UBE2J2: variants seen among roughly 807,000 people sequenced by gnomAD.
UBE2J2 encodes the protein ubiquitin-conjugating enzyme E2 J2.
A neutral mutation model predicts 28.6 loss-of-function variants in UBE2J2; 5 were observed. The ratio of observed to expected loss-of-function variants is 0.17; its 90% CI spans 0.09 to 0.37. The LOEUF (loss-of-function observed/expected upper bound fraction) is 0.37. UBE2J2 is among the 10% of genes least tolerant of loss of function. The pLI, the probability that UBE2J2 is intolerant of heterozygous loss-of-function variation, is 1.00. For synonymous variants in UBE2J2, 138 were observed against 139.7 expected (o/e 0.99, Z 0.09); for missense variants, 226 against 338.9 (o/e 0.67, Z 2.62).
rs1570576759 is a variant in UBE2J2, at chr1:1,268,053, T to A, written c.1-61A>T. The stretch of plus-strand genomic sequence containing the variant: ...CAGCGCCGGCCACAGCTCTCTCCCC[T>A]GGCGCAGCCCCACTCCCGCCTCTGC... On this transcript the variant is annotated intron_variant, in intron 1 of 6. Transcript: ENST00000349431. This position sits in a 1 kb window ranked among gnomAD's most constrained non-coding sequence, Gnocchi z 4.7. The A allele has an allele frequency of 1.3e-6, 2 of 1,591,916 alleles. No individual in the cohort carries two copies. The highest frequency in any genetic ancestry group is 4.5e-5 in the East Asian group (2 of 44,364).
chr1:1,262,390 C>G (rs1639616966), intron 3 of UBE2J2: 2 of 453,058 alleles, frequency 4.4e-6, no homozygotes, highest in Admixed American at 2.4e-5. Flanking sequence ...AACTGGGATT[C>G]CTGGGCCAAA....
chr1:1,258,758 C>CT (rs1639360769), intron 3 of UBE2J2, among the ~76,000 whole-genome samples: 1 of 152,248 alleles, frequency 6.6e-6, no homozygotes, highest in African/African-American at 2.4e-5. Context: ...TCCTGTTGGC[C>CT]CCACCTTCAA....
rs774349299 is a variant in UBE2J2 at position 1,255,393 on chromosome 1, A to G, written c.590T>C (p.Leu197Pro). Reference sequence around the variant, plus strand: ...GAGCAGCTGAATCCCGTTCTGGACGAGGTGCGTCTCCCCGTCTGGAACCAC... The same window carrying G: ...GAGCAGCTGAATCCCGTTCTGGACGGGGTGCGTCTCCCCGTCTGGAACCAC... ...PDVVPDGETH[L>P]VQNGIQLLNG... Residue 197 changes from leucine to proline, a missense_variant, in exon 7 of 7, where the codon CTC becomes CCC. Coordinates refer to ENST00000349431, the MANE Select transcript of UBE2J2 (RefSeq NM_058167.3). 1.2e-6 allele frequency: 2 copies of G among 1,613,766 alleles called. No individual in the cohort carries two copies. Among genetic ancestry groups the G allele is most frequent in the East Asian group, 4.5e-5 (2 of 44,858 alleles).
chr1:1,262,052 T>C (rs1262120899), intron 3 of UBE2J2: 2 of 254,314 alleles, frequency 7.9e-6, no homozygotes, highest in Non-Finnish European at 1.6e-5. Flanking sequence ...AGATGGGGTT[T>C]CTCCGTGTTG....
rs527348334 is a variant in UBE2J2, at chr1:1,266,618, A to G, written c.131+1244T>C. Among the ~76,000 whole-genome samples, 56 of 152,166 alleles carry G rather than the reference A, an allele frequency of 3.7e-4. No individual in the cohort carries two copies. The South Asian group carries it at 4.8e-3, about 13-fold the overall frequency. On this transcript the variant is annotated intron_variant, in intron 2 of 6. Coordinates refer to ENST00000349431, the MANE Select transcript of UBE2J2 (RefSeq NM_058167.3). ...GGGCGGATCACGAGGTCAGGAGATC[A>G]AGACCATCCTGGCTAACACGGTGAA...
intron 1 of UBE2J2, chr1:1,272,752 G>A: frequency 6.0e-6 from 1 of 167,510 alleles, no homozygotes; most frequent in South Asian, 9.9e-5. Flanking sequence ...CTGCTAAGGA[G>A]GTCAGCGGTG....
chr1:1,268,844 A>AT lies in UBE2J2; in HGVS notation c.1-853dup, dbSNP rs371622000. Among the ~76,000 whole-genome samples, 240 of 146,942 alleles carry AT rather than the reference A, an allele frequency of 1.6e-3. No individual in the cohort carries two copies. The highest frequency in any genetic ancestry group is 8.5e-3 in the East Asian group (43 of 5,054). ...AGACGCATGCCACCACGCCTAGCTAATTTTTTTTTTTTTGTAGAGCTGGGA... is the reference window on the plus strand; with the variant it reads ...AGACGCATGCCACCACGCCTAGCTAATTTTTTTTTTTTTTGTAGAGCTGGGA... On this transcript the variant is annotated intron_variant, in intron 1 of 6. Coordinates refer to ENST00000349431, the MANE Select transcript of UBE2J2 (RefSeq NM_058167.3). The surrounding 1 kb of genome is among the most constrained non-coding windows in gnomAD (Gnocchi z 4.7).
At chr1:1,259,271 G>C (rs1360158908) in intron 3 of UBE2J2, among the ~76,000 whole-genome samples, 2 of 151,904 alleles carry the variant, frequency 1.3e-5, no homozygotes, top group South Asian at 4.2e-4. Flanking sequence ...GTGTGTGCAT[G>C]TGTATGTGCA....
At chr1:1,257,654 C>G (rs913847565) in intron 3 of UBE2J2, among the ~76,000 whole-genome samples, 4 of 151,486 alleles carry the variant, frequency 2.6e-5, no homozygotes, top group African/African-American at 9.7e-5. Flanking sequence ...CCACCAGGAG[C>G]AGAGGGGTCG....
chr1:1,271,314 C>T lies in UBE2J2; in HGVS notation c.-1+2352G>A, dbSNP rs191200804. 5.8e-3 allele frequency among the ~76,000 whole-genome samples: 884 copies of T among 152,390 alleles called. 6 individuals are homozygous for T. The highest frequency in any genetic ancestry group is 0.02 in the African/African-American group (826 of 41,592). On this transcript the variant is annotated intron_variant, in intron 1 of 6. Coordinates refer to ENST00000349431, the MANE Select transcript of UBE2J2 (RefSeq NM_058167.3). Reference sequence around the variant, plus strand: ...GATGACCCCAAGCAGCACCGCCACACAGGCTGTCCTTTCGACACTCACCCT... The same window carrying T: ...GATGACCCCAAGCAGCACCGCCACATAGGCTGTCCTTTCGACACTCACCCT...
At chr1:1,269,994 G>A (rs1241289402) in intron 1 of UBE2J2, among the ~76,000 whole-genome samples, 1 of 152,146 alleles carries the variant, frequency 6.6e-6, no homozygotes, top group African/African-American at 2.4e-5. Flanking sequence ...TGGATCATGG[G>A]AGCAGTTTCC....
chr1:1,267,000 T>C (rs992787158), intron 2 of UBE2J2, among the ~76,000 whole-genome samples: 4 of 151,958 alleles, frequency 2.6e-5, no homozygotes, highest in Admixed American at 2.0e-4. Context: ...GCGATTCTCC[T>C]GCCTCGGCTT....
chr1:1,257,342 C>G lies in UBE2J2; in HGVS notation c.173-32G>C. ...GGAAACAAAACAGAAAGGGCCTTGT[C>G]GTCCGCCACAGCAGGGGCTCCTGGA... On this transcript the variant is annotated intron_variant, in intron 3 of 6. Transcript: ENST00000349431. 5.6e-6 allele frequency: 8 copies of G among 1,416,530 alleles called. No individual in the cohort carries two copies. In the South Asian group the frequency reaches 7.1e-5, roughly 13 times the overall value. 87.7% of individuals were successfully genotyped at this position (1,416,530 alleles called of 1,614,324 possible).
chr1:1,271,857 C>G (rs1640160305), intron 1 of UBE2J2, among the ~76,000 whole-genome samples: 1 of 151,752 alleles, frequency 6.6e-6, no homozygotes, highest in Non-Finnish European at 1.5e-5. Flanking sequence ...GCCTGTAATC[C>G]CAGCTACTCG....
At chr1:1,271,831 A>C (rs1338889739) in intron 1 of UBE2J2, among the ~76,000 whole-genome samples, 1 of 151,898 alleles carries the variant, frequency 6.6e-6, no homozygotes, top group Admixed American at 6.6e-5. Flanking sequence ...AAAATTAATC[A>C]GGCATGGTGG....
intron 3 of UBE2J2, chr1:1,262,116 C>A (rs1639596034): frequency 3.1e-6 from 1 of 325,166 alleles, no homozygotes; most frequent in Non-Finnish European, 6.1e-6. Flanking sequence ...CTCAGCCTCC[C>A]AAAGTGCTGG....
chr1:1,261,710 G>C (rs911560524), intron 3 of UBE2J2, among the ~76,000 whole-genome samples: 10 of 149,422 alleles, frequency 6.7e-5, no homozygotes, highest in African/African-American at 2.5e-4. Context: ...GGAGTGCAGC[G>C]ATCTCGGCTC....
Position 1,268,041 on chromosome 1 carries a change from A to C in UBE2J2, c.1-49T>G, listed in dbSNP as rs777931417. ...GACGACGAGAAGCAGCGCCGGCCAC[A>C]GCTCTCTCCCCTGGCGCAGCCCCAC... On this transcript the variant is annotated intron_variant, in intron 1 of 6. Coordinates refer to ENST00000349431, the MANE Select transcript of UBE2J2 (RefSeq NM_058167.3). This position sits in a 1 kb window ranked among gnomAD's most constrained non-coding sequence, Gnocchi z 4.7. 8 of 1,603,688 alleles carry C rather than the reference A, an allele frequency of 5.0e-6. No homozygotes were observed. In the South Asian group the frequency reaches 7.7e-5, roughly 15 times the overall value.
rs60924258 is a variant in UBE2J2, at chr1:1,271,974, C to CAAAAAAAAAAAAAA, written c.-1+1678_-1+1691dup. Among the ~76,000 whole-genome samples, 103 of 27,606 alleles carry CAAAAAAAAAAAAAA rather than the reference C, an allele frequency of 3.7e-3. 6 individuals are homozygous for CAAAAAAAAAAAAAA. Among genetic ancestry groups the CAAAAAAAAAAAAAA allele is most frequent in the East Asian group, 0.016 (8 of 506 alleles). The allele number at this position is 27,606 out of a possible 152,430, so 18.1% of individuals were successfully genotyped here. A position where few individuals can be genotyped will look rare whatever the true frequency, so the allele number is the denominator to read the frequency against. On this transcript the variant is annotated intron_variant, in intron 1 of 6. Transcript: ENST00000349431. Reference sequence around the variant, plus strand: ...GGGCAACAAGAGCGAAACTCCGTCTCAAAAAAAAAAAAAAAAAAAAAAAAA... The same window carrying CAAAAAAAAAAAAAA: ...GGGCAACAAGAGCGAAACTCCGTCTCAAAAAAAAAAAAAAAAAAAAAAAAAAAAAAAAAAAAAAA...
Sources: allele counts gnomAD v4.1 joint callset (sites outside exome capture counted in the v4.1 genomes callset), GRCh38; gene constraint gnomAD v4.1.1; non-coding constraint Gnocchi (gnomAD v3.1); transcripts MANE v1.5; gene names NCBI Gene and HGNC (gene_info 2026-07-23, HGNC 2026-07-21).